CIRSR: variants seen among roughly 807,000 people sequenced by gnomAD.
CIRSR encodes corepressor of RBPJ and splicing regulator, also known as CBF1 (RBPJ) interacting corepressor 1.
chr2:174,359,455 A>G, the CIRSR span, among the ~76,000 whole-genome samples: 4 of 152,170 alleles, frequency 2.6e-5, no homozygotes, highest in Non-Finnish European at 5.9e-5. Context: ...ACCTCTGCAT[A>G]GGGAATTCAA....
the CIRSR span, among the ~76,000 whole-genome samples, chr2:174,359,334 TAA>T: frequency 0.012 from 1,596 of 136,666 alleles, 8 homozygotes; most frequent in Admixed American, 0.024. Context: ...GCATTTTACT[TAA>T]AAAAAAAAAA....
chr2:174,376,690 C>T, the CIRSR span, among the ~76,000 whole-genome samples: 11 of 151,234 alleles, frequency 7.3e-5, no homozygotes, highest in East Asian at 5.9e-4. Context: ...CCCAGCTACT[C>T]GGGAGGCTGA....
At chr2:174,348,850 C>T in the CIRSR span, 4 of 1,614,146 alleles carry the variant, frequency 2.5e-6, no homozygotes, top group Admixed American at 6.7e-5. Context: ...CTGGGCTTTT[C>T]CTTGGCTTTT....
the CIRSR span, among the ~76,000 whole-genome samples, chr2:174,376,248 C>T: frequency 6.6e-6 from 1 of 152,190 alleles, no homozygotes; most frequent in Admixed American, 6.5e-5. Context: ...CATCTTCTCC[C>T]ACCCAGGTGC....
chr2:174,373,323 C>G, the CIRSR span, among the ~76,000 whole-genome samples: 1 of 152,300 alleles, frequency 6.6e-6, no homozygotes. Flanking sequence ...AGAATTAATT[C>G]AGTCGGCTAG....
At chr2:174,357,292 A>G in the CIRSR span, among the ~76,000 whole-genome samples, 1 of 152,154 alleles carries the variant, frequency 6.6e-6, no homozygotes, top group Admixed American at 6.5e-5. Context: ...GCTTATTATT[A>G]AATTATTTTG....
At chr2:174,366,455 C>T in the CIRSR span, among the ~76,000 whole-genome samples, 1 of 151,966 alleles carries the variant, frequency 6.6e-6, no homozygotes, top group Admixed American at 6.5e-5. Flanking sequence ...GTGCAAGTAT[C>T]CTTCAAAAGT....
the CIRSR span, among the ~76,000 whole-genome samples, chr2:174,366,272 GAAGA>G: frequency 1.3e-5 from 2 of 152,108 alleles, no homozygotes; most frequent in African/African-American, 4.8e-5. Flanking sequence ...GAAAGGAACA[GAAGA>G]AATATTTGAA....
the CIRSR span, among the ~76,000 whole-genome samples, chr2:174,374,455 T>C: frequency 6.6e-6 from 1 of 152,218 alleles, no homozygotes; most frequent in Non-Finnish European, 1.5e-5. Flanking sequence ...GTATCTTCTA[T>C]GAGCTTGGGT....
chr2:174,380,507 A>G, the CIRSR span: 1 of 767,622 alleles, frequency 1.3e-6, no homozygotes, highest in Non-Finnish European at 2.1e-6. Flanking sequence ...GATTAGTTGA[A>G]TAAGACAGCT....
At chr2:174,376,426 C>T in the CIRSR span, among the ~76,000 whole-genome samples, 1 of 151,982 alleles carries the variant, frequency 6.6e-6, no homozygotes, top group African/African-American at 2.4e-5. Flanking sequence ...ACAGTAAAAC[C>T]CCACCATAAG....
At chr2:174,352,691 T>A in the CIRSR span, among the ~76,000 whole-genome samples, 4 of 152,216 alleles carry the variant, frequency 2.6e-5, no homozygotes, top group African/African-American at 9.6e-5. Flanking sequence ...CATTTTGTTT[T>A]CCCTGCAGAT....
chr2:174,376,784 C>T, the CIRSR span, among the ~76,000 whole-genome samples: 12 of 105,298 alleles, frequency 1.1e-4, no homozygotes, highest in East Asian at 2.7e-4. Context: ...GGTGGCAAAG[C>T]GAGACTCTGT....
At chr2:174,349,603 T>C in the CIRSR span, among the ~76,000 whole-genome samples, 3 of 150,040 alleles carry the variant, frequency 2.0e-5, no homozygotes, top group African/African-American at 7.4e-5. Flanking sequence ...GGTATCCATA[T>C]ATGAACGCAT....
the CIRSR span, among the ~76,000 whole-genome samples, chr2:174,355,772 T>G: frequency 4.6e-5 from 7 of 152,274 alleles, 1 homozygote; most frequent in Admixed American, 4.6e-4. Flanking sequence ...GTAAAATAGG[T>G]ATTTTATCAA....
the CIRSR span, chr2:174,395,699 GC>G: frequency 1.2e-6 from 2 of 1,612,646 alleles, no homozygotes; most frequent in South Asian, 1.1e-5. Context: ...AACCGGAACT[GC>G]GTTTCCAGCA....
chr2:174,366,256 T>C, the CIRSR span, among the ~76,000 whole-genome samples: 5 of 151,900 alleles, frequency 3.3e-5, no homozygotes, highest in Admixed American at 2.6e-4. Flanking sequence ...AATAGAAGAA[T>C]AGAGAGAAAG....
chr2:174,354,570 TATA>T, the CIRSR span, among the ~76,000 whole-genome samples: 223 of 14,422 alleles, frequency 0.015, 4 homozygotes, highest in East Asian at 0.054. Context: ...TTTTATATAT[TATA>T]TTATATATTA....
At chr2:174,386,094 T>TA in the CIRSR span, among the ~76,000 whole-genome samples, 1 of 152,242 alleles carries the variant, frequency 6.6e-6, no homozygotes, top group Non-Finnish European at 1.5e-5. Context: ...ACTCTGTTTT[T>TA]ATCCCTCTAA....
Sources: gnomAD v4.1 joint callset for allele counts (sites outside exome capture counted in the v4.1 genomes callset) on GRCh38, gnomAD v4.1.1 for gene constraint, MANE v1.5 for transcripts, NCBI Gene and HGNC (gene_info 2026-07-23, HGNC 2026-07-21) for gene names.